Variants in PCDH15 observed in about 807,000 individuals in gnomAD.
PCDH15 encodes protocadherin related 15.
PCDH15 carries 129 observed loss-of-function variants against 178.5 expected under a neutral mutation model. The ratio of observed to expected loss-of-function variants is 0.72; its 90% CI spans 0.63 to 0.84. The LOEUF (loss-of-function observed/expected upper bound fraction) is 0.84, where lower values mean the gene tolerates loss of function less well. Among genes scored for constraint, PCDH15 ranks in the 40% least tolerant of loss-of-function variants. The pLI, the probability that PCDH15 is intolerant of heterozygous loss-of-function variation, is 0.00. For missense variants in PCDH15, 2,230 were observed against 2,099.9 expected, an observed-to-expected ratio of 1.06 and a Z score of -1.21; for synonymous variants, 800 against 732.0, an observed-to-expected ratio of 1.09 and a Z score of -1.50.
intron 20 of PCDH15, among the ~76,000 whole-genome samples, chr10:54,010,226 C>A (rs2092532806): frequency 6.7e-6 from 1 of 148,894 alleles, no homozygotes; most frequent in African/African-American, 2.4e-5. Context: ...CGACCCCCAA[C>A]ACAGCGCAGT....
rs1564777050 is a variant in PCDH15 at position 55,077,425 on chromosome 10, T to TCCTTCCTTCCTTCCTTTCATCCTTCCTTC, written c.-80+89150_-80+89151insGAAGGAAGGATGAAAGGAAGGAAGGAAGG. On this transcript the variant is annotated intron_variant, in intron 2 of 5. Transcript: ENST00000458638. ...TTCCTTCCTTCCTTCCTTCCTTCCT[T>TCCTTCCTTCCTTCCTTTCATCCTTCCTTC]CCTTCCTTCCTTTCTTCCTTCCTTC... Among the ~76,000 whole-genome samples, 239 of 149,732 alleles carry TCCTTCCTTCCTTCCTTTCATCCTTCCTTC rather than the reference T, an allele frequency of 1.6e-3. 1 individual carries two copies. Among genetic ancestry groups the TCCTTCCTTCCTTCCTTTCATCCTTCCTTC allele is most frequent in the African/African-American group, 5.8e-3 (231 of 40,094 alleles).
chr10:55,576,871 A>T (rs1211482657), intron 2 of PCDH15, among the ~76,000 whole-genome samples: 1 of 152,220 alleles, frequency 6.6e-6, no homozygotes, highest in African/African-American at 2.4e-5. Context: ...TCTCAAATTC[A>T]TTGTAATGTC....
intron 8 of PCDH15, among the ~76,000 whole-genome samples, chr10:54,247,874 AAAAAG>A (rs1205494366): frequency 8.7e-5 from 13 of 149,782 alleles, no homozygotes; most frequent in African/African-American, 3.2e-4. Context: ...TCTCAAAAAA[AAAAAG>A]AAATATGTAT....
intron 29 of PCDH15, among the ~76,000 whole-genome samples, chr10:53,839,174 G>C (rs1589030462): frequency 7.6e-6 from 1 of 131,032 alleles, no homozygotes; most frequent in South Asian, 2.5e-4. Context: ...CTGCACTCCA[G>C]CCTGGGGCAC....
At chr10:54,702,525 T>C (rs1228306106) in intron 1 of PCDH15, among the ~76,000 whole-genome samples, 1 of 111,454 alleles carries the variant, frequency 9.0e-6, no homozygotes, top group Admixed American at 1.0e-4. Flanking sequence ...GGACATTACT[T>C]CCAATTCCAC....
At chr10:55,452,706 C>A (rs182705324) in intron 2 of PCDH15, among the ~76,000 whole-genome samples, 108 of 151,960 alleles carry the variant, frequency 7.1e-4, no homozygotes, top group African/African-American at 2.5e-3. Context: ...ACCAACAAAC[C>A]CCCCAGAAAC....
At chr10:54,359,310 T>A (rs562638028) in intron 5 of PCDH15, among the ~76,000 whole-genome samples, 46 of 151,966 alleles carry the variant, frequency 3.0e-4, no homozygotes, top group African/African-American at 6.3e-4. Context: ...AGCTATGAAT[T>A]TGAATTAATA....
chr10:55,190,877 AC>A (rs1839928677), intron 1 of PCDH15, among the ~76,000 whole-genome samples: 1 of 151,684 alleles, frequency 6.6e-6, no homozygotes, highest in African/African-American at 2.4e-5. Flanking sequence ...GAGTTGATCC[AC>A]TTTTAAAATC....
At chr10:54,340,588 G>A (rs1942047048) in intron 6 of PCDH15, among the ~76,000 whole-genome samples, 1 of 152,146 alleles carries the variant, frequency 6.6e-6, no homozygotes, top group Admixed American at 6.5e-5. Context: ...AGAGATTGAG[G>A]TGAGTTTTAG....
At chr10:55,058,433 C>T (rs1476203134) in intron 2 of PCDH15, among the ~76,000 whole-genome samples, 1 of 152,042 alleles carries the variant, frequency 6.6e-6, no homozygotes, top group Non-Finnish European at 1.5e-5. Context: ...TGTTCTCAAA[C>T]TCCTGAGTTG....
chr10:54,615,977 G>C (rs1169173663), intron 2 of PCDH15, among the ~76,000 whole-genome samples: 1 of 152,016 alleles, frequency 6.6e-6, no homozygotes, highest in Non-Finnish European at 1.5e-5. Context: ...ACGGTTTAAA[G>C]GCAGTGGACT....
At chr10:55,545,785 A>G (rs1162223588) in intron 2 of PCDH15, among the ~76,000 whole-genome samples, 1 of 152,160 alleles carries the variant, frequency 6.6e-6, no homozygotes, top group Non-Finnish European at 1.5e-5. Context: ...TTTAAAAACA[A>G]TTATTGAGAA....
intron 2 of PCDH15, among the ~76,000 whole-genome samples, chr10:54,575,842 C>A (rs988868598): frequency 6.6e-6 from 1 of 152,074 alleles, no homozygotes; most frequent in Non-Finnish European, 1.5e-5. Flanking sequence ...GAAGGCTAGC[C>A]CTGAAGCAGT....
intron 18 of PCDH15, among the ~76,000 whole-genome samples, chr10:54,041,877 C>T (rs1001099282): frequency 3.3e-5 from 5 of 151,998 alleles, no homozygotes; most frequent in African/African-American, 1.2e-4. Flanking sequence ...AAAATGATTA[C>T]ATTTTTCCCA....
rs146880998 is a variant in PCDH15, at chr10:53,816,230, A to T, written c.4491+9T>A. ...TCAGTGAGGTTGAAAAGAAAATGAAAATTGATACCTCTGGTTTAAGAAGAG... is the reference window on the plus strand; with the variant it reads ...TCAGTGAGGTTGAAAAGAAAATGAATATTGATACCTCTGGTTTAAGAAGAG... On this transcript the variant is annotated intron_variant, in intron 35 of 37. Coordinates refer to ENST00000644397, the MANE Select transcript of PCDH15 (RefSeq NM_001384140.1). The T allele has an allele frequency of 0.014, 5,620 of 398,864 alleles. 50 individuals carry two copies. Among genetic ancestry groups the T allele is most frequent in the Non-Finnish European group, 0.019 (4,265 of 225,978 alleles). The allele number at this position is 398,864 out of a possible 1,614,324, so 24.7% of individuals were successfully genotyped here.
intron 8 of PCDH15, among the ~76,000 whole-genome samples, chr10:54,292,368 C>T (rs549011802): frequency 8.5e-4 from 129 of 152,188 alleles, no homozygotes; most frequent in Non-Finnish European, 1.6e-3. Flanking sequence ...CAATATCATA[C>T]TGGATGGGCA....
At chr10:53,820,603 A>G (rs1467238335) in intron 32 of PCDH15, among the ~76,000 whole-genome samples, 1 of 152,080 alleles carries the variant, frequency 6.6e-6, no homozygotes, top group Non-Finnish European at 1.5e-5. Flanking sequence ...TTAAACACTT[A>G]CATGTGCATT....
intron 3 of PCDH15, among the ~76,000 whole-genome samples, chr10:54,460,443 A>G (rs747086146): frequency 9.2e-5 from 14 of 152,106 alleles, no homozygotes; most frequent in Non-Finnish European, 1.9e-4. Flanking sequence ...ACGTCATTTC[A>G]GAAAAAATAT....
At chr10:54,633,000 C>G (rs546422329) in intron 2 of PCDH15, among the ~76,000 whole-genome samples, 2 of 152,156 alleles carry the variant, frequency 1.3e-5, no homozygotes, top group East Asian at 3.9e-4. Context: ...AAAGTATATA[C>G]TTACCTGTAC....
Sources: gnomAD v4.1 joint callset for allele counts (sites outside exome capture counted in the v4.1 genomes callset) on GRCh38, gnomAD v4.1.1 for gene constraint, MANE v1.5 for transcripts, NCBI Gene and HGNC (gene_info 2026-07-23, HGNC 2026-07-21) for gene names.